The following WASF2 variants were observed in gnomAD, a reference collection of about 807,000 sequenced individuals.
WASF2 encodes actin-binding protein WASF2.
WASF2 carries 14 observed loss-of-function variants against 45.0 expected under a neutral mutation model. The observed-to-expected ratio is 0.31, with a 90% confidence interval of 0.21 to 0.49. The LOEUF is 0.49. Among genes scored for constraint, WASF2 ranks in the 20% least tolerant of loss-of-function variants. The pLI is 0.99. For synonymous variants in WASF2, 200 were observed against 236.3 expected, an observed-to-expected ratio of 0.85 and a Z score of 1.41; for missense variants, 439 against 636.1, an observed-to-expected ratio of 0.69 and a Z score of 3.33.
rs977428881 is a variant in WASF2 at position 27,410,416 on chromosome 1, A to T, written c.825-210T>A. Among the ~76,000 whole-genome samples the T allele has an allele frequency of 1.3e-5, 2 of 152,186 alleles. No individual in the cohort carries two copies. Among genetic ancestry groups the T allele is most frequent in the Admixed American group, 1.3e-4 (2 of 15,278 alleles). On this transcript the variant is annotated intron_variant, in intron 7 of 8. Transcript: ENST00000618852. This position sits in a 1 kb window ranked among gnomAD's most constrained non-coding sequence, Gnocchi z 4.2. ...GTAATGAGCTTCCCACCAGTAGAGG[A>T]GGATAGACAGATTGAGTAAAACTAC...
At chr1:27,481,093 A>G (rs1050487979) in intron 1 of WASF2, among the ~76,000 whole-genome samples, 9 of 150,230 alleles carry the variant, frequency 6.0e-5, no homozygotes, top group Non-Finnish European at 1.2e-4. Flanking sequence ...TCAGGAGATC[A>G]AGACCATCCT....
chr1:27,454,149 GTGTGTA>G (rs1401398225), intron 1 of WASF2, among the ~76,000 whole-genome samples: 2 of 83,670 alleles, frequency 2.4e-5, no homozygotes, highest in African/African-American at 9.9e-5. Context: ...GTGTGTGTGT[GTGTGTA>G]TATATATATA....
At chr1:27,443,711 G>A (rs1261916840) in intron 1 of WASF2, among the ~76,000 whole-genome samples, 1 of 152,140 alleles carries the variant, frequency 6.6e-6, no homozygotes, top group African/African-American at 2.4e-5. Context: ...TATGACCTTA[G>A]GGTAGTTAAT....
At chr1:27,440,067 A>G (rs1219381513) in intron 1 of WASF2, among the ~76,000 whole-genome samples, 1 of 152,170 alleles carries the variant, frequency 6.6e-6, no homozygotes, top group East Asian at 1.9e-4. Flanking sequence ...ATTTGGATGT[A>G]AAAAAACAGA....
At chr1:27,479,805 C>T (rs1235899219) in intron 1 of WASF2, among the ~76,000 whole-genome samples, 1 of 152,212 alleles carries the variant, frequency 6.6e-6, no homozygotes, top group Non-Finnish European at 1.5e-5. Flanking sequence ...GCAGAAGCTG[C>T]AGTGAGCCAA....
chr1:27,475,237 C>T (rs1182533763), intron 1 of WASF2, among the ~76,000 whole-genome samples: 1 of 152,188 alleles, frequency 6.6e-6, no homozygotes, highest in South Asian at 2.1e-4. Context: ...GGCAACAGAG[C>T]AAGACCTTGT....
intron 1 of WASF2, among the ~76,000 whole-genome samples, chr1:27,429,936 C>G (rs546089745): frequency 2.6e-5 from 4 of 152,138 alleles, no homozygotes; most frequent in African/African-American, 4.8e-5. Flanking sequence ...CTGGTGCTTT[C>G]TCTTCTACCC....
chr1:27,448,017 T>C (rs2017332871), intron 1 of WASF2, among the ~76,000 whole-genome samples: 1 of 152,212 alleles, frequency 6.6e-6, no homozygotes, highest in South Asian at 2.1e-4. Flanking sequence ...GGTGAACCTG[T>C]TCTGCACCTG....
intron 1 of WASF2, among the ~76,000 whole-genome samples, chr1:27,464,458 C>A (rs1557616618): frequency 6.6e-6 from 1 of 152,000 alleles, no homozygotes; most frequent in African/African-American, 2.4e-5. Flanking sequence ...ATGAATCTTA[C>A]AATTAGTCTG....
chr1:27,449,731 T>C lies in WASF2; in HGVS notation c.-43-20798A>G, dbSNP rs184476143. ...TATAGCACTGTTTCCTGAGAGAAGA[T>C]AACCCAAGTTCAACCTTTGTTTTAG... On this transcript the variant is annotated intron_variant, in intron 1 of 8. Transcript: ENST00000618852. 1.8e-4 allele frequency among the ~76,000 whole-genome samples: 28 copies of C among 152,298 alleles called. No homozygotes were observed. In the East Asian group the frequency reaches 3.3e-3, roughly 18 times the overall value.
chr1:27,408,067 G>C lies in WASF2; in HGVS notation c.*122C>G. 1 of 1,210,136 alleles carries C rather than the reference G, an allele frequency of 8.3e-7. No homozygotes were observed. The highest frequency in any genetic ancestry group is 1.1e-6 in the Non-Finnish European group (1 of 875,366). The allele number at this position is 1,210,136 out of a possible 1,614,324, so 75.0% of individuals were successfully genotyped here. A position where few individuals can be genotyped will look rare whatever the true frequency, so the allele number is the denominator to read the frequency against. On this transcript the variant is annotated 3_prime_UTR_variant, in exon 9 of 9. Transcript: ENST00000618852. The stretch of plus-strand genomic sequence containing the variant: ...TATATCTTTGGTTGCTTCAGGGAAA[G>C]CTTTGGCCCCTTAAAATTACTTTTT...
intron 1 of WASF2, among the ~76,000 whole-genome samples, chr1:27,445,717 T>C (rs138889215): frequency 6.8e-4 from 103 of 152,178 alleles, no homozygotes; most frequent in Non-Finnish European, 1.2e-3. Flanking sequence ...CAAACTCCTG[T>C]TTTCAAACAG....
chr1:27,463,197 T>C lies in WASF2; in HGVS notation c.-44+26789A>G, dbSNP rs78259034. 1.1e-4 allele frequency among the ~76,000 whole-genome samples: 16 copies of C among 152,332 alleles called. No individual in the cohort carries two copies. The East Asian group carries it at 2.5e-3, about 24-fold the overall frequency. On this transcript the variant is annotated intron_variant, in intron 1 of 8. Transcript: ENST00000618852. Reference sequence around the variant, plus strand: ...AATGGAAATAATTATTTAGAGACTATGCTTTTTGAAGGTATTTTAATGAAA... The same window carrying C: ...AATGGAAATAATTATTTAGAGACTACGCTTTTTGAAGGTATTTTAATGAAA...
intron 2 of WASF2, among the ~76,000 whole-genome samples, chr1:27,420,514 C>CTTT (rs782294669): frequency 0.023 from 1,936 of 82,400 alleles, 27 homozygotes; most frequent in Non-Finnish European, 0.027. Context: ...ACCATCTGAG[C>CTTT]TTTTTTTTTT....
At chr1:27,449,382 T>G (rs1188876447) in intron 1 of WASF2, among the ~76,000 whole-genome samples, 1 of 151,984 alleles carries the variant, frequency 6.6e-6, no homozygotes, top group Non-Finnish European at 1.5e-5. Flanking sequence ...CCCTATCACT[T>G]GAGGTCAGGA....
chr1:27,456,146 C>A (rs1271255016), intron 1 of WASF2, among the ~76,000 whole-genome samples: 1 of 151,876 alleles, frequency 6.6e-6, no homozygotes, highest in Non-Finnish European at 1.5e-5. Context: ...CACAATAAAA[C>A]CCCATCGCTA....
chr1:27,482,117 C>T (rs2017859701), intron 1 of WASF2, among the ~76,000 whole-genome samples: 1 of 152,190 alleles, frequency 6.6e-6, no homozygotes, highest in African/African-American at 2.4e-5. Context: ...AAGTACCATT[C>T]ATAACTTCAA....
At chr1:27,484,530 G>A (rs965940072) in intron 1 of WASF2, among the ~76,000 whole-genome samples, 11 of 152,100 alleles carry the variant, frequency 7.2e-5, no homozygotes, top group Admixed American at 6.6e-4. Context: ...ACTCTAGGCC[G>A]GGCGCGGTGG....
intron 1 of WASF2, among the ~76,000 whole-genome samples, chr1:27,487,556 ATT>A (rs1287037720): frequency 2.9e-5 from 3 of 105,222 alleles, no homozygotes; most frequent in African/African-American, 7.6e-5. Flanking sequence ...TATTATATAT[ATT>A]TTATACAATA....
Sources: gnomAD v4.1 joint callset for allele counts (sites outside exome capture counted in the v4.1 genomes callset) on GRCh38, gnomAD v4.1.1 for gene constraint, Gnocchi (gnomAD v3.1) non-coding constraint, MANE v1.5 for transcripts, NCBI Gene and HGNC (gene_info 2026-07-23, HGNC 2026-07-21) for gene names.